The following ANKRD42 variants were observed in gnomAD, a reference collection of about 807,000 sequenced individuals.
ANKRD42 encodes the protein ankyrin repeat domain 42, also known as ankyrin repeat domain-containing protein 42.
Under a neutral mutation model 51.5 loss-of-function variants are expected in ANKRD42, and 43 were observed. The ratio of observed to expected loss-of-function variants is 0.83; its 90% CI spans 0.65 to 1.08. ANKRD42 has a LOEUF of 1.08. Ranked by LOEUF, ANKRD42 falls within the 50% of genes least tolerant of loss-of-function variation. The pLI is 0.00. For missense variants in ANKRD42, 608 were observed against 629.3 expected (o/e 0.97, Z 0.36); for synonymous variants, 203 against 213.0 (o/e 0.95, Z 0.41).
chr11:83,235,447 G>A (rs1467566198), intron 7 of ANKRD42, among the ~76,000 whole-genome samples: 1 of 152,222 alleles, frequency 6.6e-6, no homozygotes. Flanking sequence ...GGAAATTGAT[G>A]TTTAGAGAAG....
intron 3 of ANKRD42, among the ~76,000 whole-genome samples, chr11:83,208,004 G>T (rs899862025): frequency 4.6e-5 from 7 of 152,030 alleles, no homozygotes; most frequent in Non-Finnish European, 1.0e-4. Flanking sequence ...TGATTACCTG[G>T]AAAGAAAAGA....
At chr11:83,251,578 C>T (rs1358497879), downstream of ANKRD42, among the ~76,000 whole-genome samples, 1 of 152,074 alleles carries the variant, frequency 6.6e-6, no homozygotes, top group Non-Finnish European at 1.5e-5. Flanking sequence ...CTGTCTAGCC[C>T]CAAGTCTATG....
Position 83,248,833 on chromosome 11 carries a change from T to G in ANKRD42, c.*629T>G, listed in dbSNP as rs1463699282. ...GTTAACAATTTAGTACATACCATAT[T>G]AGACAAAATTCTATTTATCTGCAAA... On this transcript the variant is annotated 3_prime_UTR_variant, in exon 11 of 11. Transcript: ENST00000533342. The G allele has an allele frequency of 1.0e-6, 1 of 980,330 alleles. No homozygotes were observed. Among genetic ancestry groups the G allele is most frequent in the African/African-American group, 1.8e-5 (1 of 57,134 alleles). The allele number at this position is 980,330 out of a possible 1,614,324, so 60.7% of individuals were successfully genotyped here.
intron 5 of ANKRD42, chr11:83,213,451 CA>C: frequency 4.2e-6 from 6 of 1,425,562 alleles, no homozygotes; most frequent in Non-Finnish European, 5.5e-6. Context: ...GTAAAAACTG[CA>C]AAGAAAAACC....
intron 5 of ANKRD42, 48 bp from the exon 6 acceptor site, chr11:83,224,807 A>C (rs1166534042): frequency 2.1e-6 from 3 of 1,427,964 alleles, no homozygotes; most frequent in Non-Finnish European, 2.8e-6. Context: ...ACATACATAA[A>C]AATTTTAAAA....
chr11:83,240,532 T>G (rs1023747510), intron 8 of ANKRD42, among the ~76,000 whole-genome samples: 7 of 152,226 alleles, frequency 4.6e-5, no homozygotes, highest in Admixed American at 1.3e-4. Flanking sequence ...ATAAAAATTA[T>G]GGAATCAGTG....
downstream of ANKRD42, among the ~76,000 whole-genome samples, chr11:83,262,748 G>A (rs954216974): frequency 6.6e-6 from 1 of 152,146 alleles, no homozygotes; most frequent in Non-Finnish European, 1.5e-5. Flanking sequence ...CACCCCATTT[G>A]ATCCTACTAC....
chr11:83,212,480 A>G (rs1019055736), intron 5 of ANKRD42, among the ~76,000 whole-genome samples: 1 of 152,226 alleles, frequency 6.6e-6, no homozygotes, highest in Non-Finnish European at 1.5e-5. Context: ...TAAAGTGGCC[A>G]GTGGAGACTT....
At chr11:83,253,936 A>G (rs1402621368), downstream of ANKRD42, among the ~76,000 whole-genome samples, 5 of 152,152 alleles carry the variant, frequency 3.3e-5, no homozygotes, top group East Asian at 1.9e-4. Flanking sequence ...CTTCTAATAC[A>G]TAAAAGGTAA....
At chr11:83,201,861 A>G (rs1456260512) in intron 2 of ANKRD42, among the ~76,000 whole-genome samples, 2 of 151,488 alleles carry the variant, frequency 1.3e-5, no homozygotes, top group African/African-American at 4.8e-5. Context: ...TTTTCTTATA[A>G]ATTTAAGTTT....
In ANKRD42 at chr11:83,210,295, T is replaced by C. The variant is rs1357329814; in HGVS notation, c.331-5T>C. 2 of 1,612,952 alleles carry C rather than the reference T, an allele frequency of 1.2e-6. No individual in the cohort carries two copies. The highest frequency in any genetic ancestry group is 1.7e-6 in the Non-Finnish European group (2 of 1,179,126). ...GTAAAGTCTTTCCTATTTCTCTATTTTTAGGCTCTTATAATGAATGGAGCA... is the reference window on the plus strand; with the variant it reads ...GTAAAGTCTTTCCTATTTCTCTATTCTTAGGCTCTTATAATGAATGGAGCA... On this transcript the variant is annotated splice_region_variant and splice_polypyrimidine_tract_variant and intron_variant, in intron 3 of 10. Coordinates refer to ENST00000533342, the MANE Select transcript of ANKRD42 (RefSeq NM_001300975.2).
At position 83,255,547 on chromosome 11, in the gene ANKRD42, TAA is replaced by T. The variant is rs144093867; in HGVS notation, c.1465-297_1465-296del. Among the ~76,000 whole-genome samples the T allele has an allele frequency of 4.9e-3, 753 of 152,288 alleles. 9 individuals carry two copies. Among genetic ancestry groups the T allele is most frequent in the African/African-American group, 0.018 (728 of 41,552 alleles). On this transcript the variant is annotated intron_variant, in intron 11 of 11. Transcript: ENST00000260047. ...GGATCTGTTAGGTAGAGATAAAACTTAATGAGATAAGACGGAAAATTGGCTAT... is the reference window on the plus strand; with the variant it reads ...GGATCTGTTAGGTAGAGATAAAACTTTGAGATAAGACGGAAAATTGGCTAT...
chr11:83,261,761 C>T (rs1863936482), downstream of ANKRD42: 1 of 576,310 alleles, frequency 1.7e-6, no homozygotes, highest in Admixed American at 3.0e-5. Context: ...AGTATCTCTT[C>T]TCATTCTAAA....
At chr11:83,261,759 T>C, downstream of ANKRD42, 1 of 573,680 alleles carries the variant, frequency 1.7e-6, no homozygotes. Context: ...ACAGTATCTC[T>C]TCTCATTCTA....
downstream of ANKRD42, among the ~76,000 whole-genome samples, chr11:83,251,463 C>T (rs2135563970): frequency 2.0e-5 from 3 of 152,256 alleles, no homozygotes; most frequent in Middle Eastern, 0.01. Flanking sequence ...ACTTTATATT[C>T]AGCAGATACC....
intron 6 of ANKRD42, among the ~76,000 whole-genome samples, chr11:83,226,216 CACACACACACAT>C (rs922871018): frequency 2.6e-5 from 4 of 151,984 alleles, no homozygotes; most frequent in Admixed American, 1.3e-4. Context: ...CACATACACA[CACACACACACAT>C]ACACACACAC....
chr11:83,228,225 C>A, intron 7 of ANKRD42, among the ~76,000 whole-genome samples: 1 of 47,564 alleles, frequency 2.1e-5, no homozygotes, highest in African/African-American at 1.3e-4. Context: ...TCATCCCTCT[C>A]TCTCTCTTTT....
At chr11:83,220,917 T>C (rs1464285976) in intron 5 of ANKRD42, among the ~76,000 whole-genome samples, 2 of 47,638 alleles carry the variant, frequency 4.2e-5, no homozygotes, top group South Asian at 1.5e-3. Context: ...TATTTCTGGA[T>C]ATTTATATTT....
rs1373812287 is a variant in ANKRD42 at position 83,224,843 on chromosome 11, C to T, written c.587-12C>T. The T allele has an allele frequency of 7.8e-6, 12 of 1,540,332 alleles. No individual in the cohort carries two copies. The highest frequency in any genetic ancestry group is 3.9e-5 in the South Asian group (3 of 76,006). ...AATAAAAATTAAATTAATTTTTTTT[C>T]CTTTCCTCTAGTTCACTTAGCAGCC... is the stretch of plus-strand genomic sequence containing the variant. On this transcript the variant is annotated splice_polypyrimidine_tract_variant and intron_variant, in intron 5 of 10. Coordinates refer to ENST00000533342, the MANE Select transcript of ANKRD42 (RefSeq NM_001300975.2).
Sources: gnomAD v4.1 joint callset for allele counts (sites outside exome capture counted in the v4.1 genomes callset) on GRCh38, gnomAD v4.1.1 for gene constraint, MANE v1.5 for transcripts, NCBI Gene and HGNC (gene_info 2026-07-23, HGNC 2026-07-21) for gene names.